Variants in AGBL4 observed in about 807,000 individuals in gnomAD.
AGBL4 encodes the protein cytosolic carboxypeptidase 6.
In AGBL4, 58 loss-of-function variants were observed where a neutral mutation model predicts 66.4. The ratio of observed to expected loss-of-function variants is 0.87; its 90% CI spans 0.71 to 1.09. The LOEUF is 1.09. AGBL4 is among the 50% of genes least tolerant of loss of function. The probability of loss-of-function intolerance (pLI) is 0.00; values close to 1 mark genes in which losing one functional copy is unlikely to be tolerated. For missense variants in AGBL4, 579 were observed against 631.0 expected (o/e 0.92, Z 0.88); for synonymous variants, 234 against 222.9 (o/e 1.05, Z -0.44).
intron 11 of AGBL4, among the ~76,000 whole-genome samples, chr1:48,578,426 C>A (rs1006637560): frequency 1.3e-5 from 2 of 152,204 alleles, no homozygotes; most frequent in Non-Finnish European, 2.9e-5. Context: ...GTTTAGACTT[C>A]GGTTCCCAAA....
chr1:49,607,036 T>G (rs1645074291), intron 3 of AGBL4, among the ~76,000 whole-genome samples: 1 of 152,146 alleles, frequency 6.6e-6, no homozygotes, highest in Admixed American at 6.6e-5. Flanking sequence ...TATCCATACT[T>G]CAAAATTCAG....
At chr1:49,438,644 C>T (rs1259634629) in intron 3 of AGBL4, among the ~76,000 whole-genome samples, 1 of 152,184 alleles carries the variant, frequency 6.6e-6, no homozygotes, top group Non-Finnish European at 1.5e-5. Context: ...AATTAAACAA[C>T]AGTCATTAGT....
chr1:49,264,373 GT>G (rs1480894957), intron 3 of AGBL4, among the ~76,000 whole-genome samples: 2 of 152,080 alleles, frequency 1.3e-5, no homozygotes, highest in South Asian at 2.1e-4. Context: ...GAATAATGTA[GT>G]TTTTTCCAAA....
chr1:49,078,107 T>C (rs1644744359), intron 4 of AGBL4, among the ~76,000 whole-genome samples: 1 of 152,114 alleles, frequency 6.6e-6, no homozygotes, highest in South Asian at 2.1e-4. Flanking sequence ...AGATACTCAC[T>C]AGGCTATGCT....
intron 5 of AGBL4, among the ~76,000 whole-genome samples, chr1:49,043,185 A>G (rs1643988672): frequency 6.6e-6 from 1 of 152,110 alleles, no homozygotes; most frequent in Non-Finnish European, 1.5e-5. Context: ...AATGTATTAT[A>G]TTTGTTCCTC....
intron 2 of AGBL4, among the ~76,000 whole-genome samples, chr1:49,774,770 C>T (rs961433439): frequency 1.3e-5 from 2 of 152,038 alleles, no homozygotes; most frequent in East Asian, 1.9e-4. Flanking sequence ...ATGAAGAAAT[C>T]GAAATTCTCA....
chr1:49,236,583 T>C (rs1650762312), intron 4 of AGBL4, among the ~76,000 whole-genome samples: 1 of 152,114 alleles, frequency 6.6e-6, no homozygotes, highest in South Asian at 2.1e-4. Context: ...TTTGGAAAAA[T>C]GGTTCAGCAA....
intron 5 of AGBL4, among the ~76,000 whole-genome samples, chr1:48,957,075 G>A (rs968982391): frequency 1.3e-5 from 2 of 152,040 alleles, no homozygotes; most frequent in Non-Finnish European, 2.9e-5. Context: ...AAACTCCCAT[G>A]TTTTAACCCA....
chr1:48,734,005 G>A (rs1447160760), intron 6 of AGBL4, among the ~76,000 whole-genome samples: 15 of 152,206 alleles, frequency 9.9e-5, no homozygotes, highest in Non-Finnish European at 1.5e-5. Context: ...CCTGAGTCAC[G>A]TTCCAACAAA....
chr1:49,245,623 C>G (rs746691489), intron 4 of AGBL4, 147 bp downstream of exon 4: 85 of 555,470 alleles, frequency 1.5e-4, no homozygotes, highest in Non-Finnish European at 2.2e-4. Context: ...AGCTGTACAG[C>G]AGATAAACTA....
rs1449997338 is a variant in AGBL4, at chr1:49,948,087, T to A, written c.34+75676A>T. ...GTAAATATATGTAAATATATGTAAATATATGTATATGTATATATATGTAAA... is the reference window on the plus strand; with the variant it reads ...GTAAATATATGTAAATATATGTAAAAATATGTATATGTATATATATGTAAA... On this transcript the variant is annotated intron_variant, in intron 1 of 13. Coordinates refer to ENST00000371839, the MANE Select transcript of AGBL4 (RefSeq NM_032785.4). Among the ~76,000 whole-genome samples the A allele has an allele frequency of 3.0e-4, 26 of 86,318 alleles. 2 individuals are homozygous for A. The highest frequency in any genetic ancestry group is 1.3e-3 in the African/African-American group (26 of 20,768). The allele number at this position is 86,318 out of a possible 152,430, so 56.6% of individuals were successfully genotyped here.
At chr1:48,617,930 A>T (rs1645346687) in intron 9 of AGBL4, among the ~76,000 whole-genome samples, 1 of 151,868 alleles carries the variant, frequency 6.6e-6, no homozygotes. Context: ...CTACCTTGCC[A>T]CTCCTGTTCC....
chr1:49,568,509 A>ACACACACT (rs1644261318), intron 3 of AGBL4, among the ~76,000 whole-genome samples: 2 of 151,582 alleles, frequency 1.3e-5, no homozygotes, highest in African/African-American at 4.9e-5. Context: ...ACACACACAC[A>ACACACACT]CACACACACA....
chr1:49,910,989 A>C (rs1650769900), intron 1 of AGBL4, among the ~76,000 whole-genome samples: 1 of 152,238 alleles, frequency 6.6e-6, no homozygotes, highest in Non-Finnish European at 1.5e-5. Flanking sequence ...AAAACAAAAA[A>C]GAAAACCAAC....
chr1:49,115,113 A>T (rs1645489589), intron 4 of AGBL4, among the ~76,000 whole-genome samples: 1 of 152,188 alleles, frequency 6.6e-6, no homozygotes, highest in Non-Finnish European at 1.5e-5. Context: ...AATAAAGCAA[A>T]ATGCTATAAA....
At chr1:48,700,542 G>T (rs1458993821) in intron 6 of AGBL4, among the ~76,000 whole-genome samples, 1 of 152,200 alleles carries the variant, frequency 6.6e-6, no homozygotes. Context: ...TCTGAGAAAG[G>T]CAGTGTGTGG....
At chr1:48,902,647 T>G (rs1197488287) in intron 5 of AGBL4, among the ~76,000 whole-genome samples, 1 of 152,150 alleles carries the variant, frequency 6.6e-6, no homozygotes, top group East Asian at 1.9e-4. Flanking sequence ...TCATCTCCTT[T>G]TTCACATTCA....
At chr1:49,730,776 C>T (rs1370420566) in intron 2 of AGBL4, among the ~76,000 whole-genome samples, 2 of 152,200 alleles carry the variant, frequency 1.3e-5, no homozygotes, top group Non-Finnish European at 2.9e-5. Context: ...ACCCGGTAGG[C>T]TCCAGCAAAG....
intron 5 of AGBL4, among the ~76,000 whole-genome samples, chr1:48,893,510 T>G (rs1651179109): frequency 6.6e-6 from 1 of 150,982 alleles, no homozygotes; most frequent in African/African-American, 2.4e-5. Flanking sequence ...TGAAACCCCG[T>G]CTCTACTAAA....
Sources: gnomAD v4.1 joint callset for allele counts (sites outside exome capture counted in the v4.1 genomes callset) on GRCh38, gnomAD v4.1.1 for gene constraint, MANE v1.5 for transcripts, NCBI Gene and HGNC (gene_info 2026-07-23, HGNC 2026-07-21) for gene names.